The following GPCPD1 variants were observed in gnomAD, a reference collection of about 807,000 sequenced individuals.
GPCPD1 encodes the protein glycerophosphocholine phosphodiesterase GPCPD1.
GPCPD1 carries 29 observed loss-of-function variants against 89.2 expected under a neutral mutation model. The ratio of observed to expected loss-of-function variants is 0.33; its 90% confidence interval spans 0.24 to 0.44. GPCPD1 has a LOEUF of 0.44. Ranked by LOEUF, GPCPD1 falls within the 20% of genes least tolerant of loss-of-function variation. GPCPD1 has a pLI of 1.00. For synonymous variants in GPCPD1, 258 were observed against 266.3 expected, an observed-to-expected ratio of 0.97 and a Z score of 0.30; for missense variants, 594 against 808.9, an observed-to-expected ratio of 0.73 and a Z score of 3.22.
intron 6 of GPCPD1, among the ~76,000 whole-genome samples, chr20:5,583,930 G>A (rs1031318659): frequency 6.6e-6 from 1 of 152,176 alleles, no homozygotes; most frequent in African/African-American, 2.4e-5. Context: ...ACATTTTAAA[G>A]TGCAACAATT....
At chr20:5,575,295 C>T (rs1751891097) in intron 10 of GPCPD1, 118 bp downstream of exon 10, 4 of 747,396 alleles carry the variant, frequency 5.4e-6, no homozygotes, top group Admixed American at 2.8e-5. Context: ...TACCAAATTA[C>T]ACTAAATTCC....
intron 19 of GPCPD1, among the ~76,000 whole-genome samples, chr20:5,554,129 C>T (rs1477148793): frequency 3.0e-5 from 4 of 134,304 alleles, no homozygotes; most frequent in African/African-American, 9.0e-5. Flanking sequence ...CCACCACGCC[C>T]GGCTAATTAT....
chr20:5,567,748 C>T (rs1287334044), intron 12 of GPCPD1, 188 bp from the exon 13 acceptor site: 4 of 470,476 alleles, frequency 8.5e-6, no homozygotes, highest in Non-Finnish European at 1.4e-5. Context: ...CTAACACCAC[C>T]TCCCAGCCCT....
rs182692908 is a variant in GPCPD1 at position 5,557,935 on chromosome 20, A to G, written c.1829+10T>C. 1.4e-6 allele frequency: 2 copies of G among 1,470,952 alleles called. No individual in the cohort carries two copies. The highest frequency in any genetic ancestry group is 2.3e-5 in the East Asian group (1 of 43,412). 91.1% of individuals were successfully genotyped at this position (1,470,952 alleles called of 1,614,324 possible). On this transcript the variant is annotated intron_variant, in intron 19 of 19. Transcript: ENST00000379019. ...AAATTCCATGAAAATTTTTCATGAA[A>G]AACAAATACCTATCATAAATTAGAC...
chr20:5,558,601 G>A lies in GPCPD1; in HGVS notation c.1668+83C>T, dbSNP rs1985909312. The A allele has an allele frequency of 6.3e-6, 5 of 791,280 alleles. No individual in the cohort carries two copies. In the South Asian group the frequency reaches 7.0e-5, roughly 11 times the overall value. The allele number at this position is 791,280 out of a possible 1,614,324, so 49.0% of individuals were successfully genotyped here. A position where few individuals can be genotyped will look rare whatever the true frequency, so the allele number is the denominator to read the frequency against. Reference sequence around the variant, plus strand: ...TTTAGTCAAAACGTTAACATTAGATGGGTAAAGTAATATGAAATCTTTACT... The same window carrying A: ...TTTAGTCAAAACGTTAACATTAGATAGGTAAAGTAATATGAAATCTTTACT... On this transcript the variant is annotated intron_variant, in intron 18 of 19. Transcript: ENST00000379019.
chr20:5,590,460 T>C (rs975430560), intron 4 of GPCPD1, among the ~76,000 whole-genome samples: 2 of 145,694 alleles, frequency 1.4e-5, no homozygotes, highest in African/African-American at 5.2e-5. Context: ...GAAGAATCAC[T>C]TGAACCCAGG....
In GPCPD1 at chr20:5,580,122, T is replaced by G. The variant is rs1013605619; in HGVS notation, c.359A>C (p.Glu120Ala). Reference protein sequence around the residue: ...DGQFGIHNGVETLDSGWLTCQ... With the variant: ...DGQFGIHNGVATLDSGWLTCQ... ...TGTCAGCCATCCAGAATCCAGAGTT[T>G]CAACACCATCTGACAGAATAAATAT... The change falls in exon 7 of 20, where the codon GAA becomes GCA. Residue 120 changes from glutamate (E) to alanine (A), a missense_variant. By Grantham distance (107) the Glu-to-Ala change is moderately radical. Transcript: ENST00000379019. 1 of 1,476,628 alleles carries G rather than the reference T, an allele frequency of 6.8e-7. No homozygotes were observed. The highest frequency in any genetic ancestry group is 9.4e-7 in the Non-Finnish European group (1 of 1,060,110). The allele number at this position is 1,476,628 out of a possible 1,614,324, so 91.5% of individuals were successfully genotyped here. A position where few individuals can be genotyped will look rare whatever the true frequency, so the allele number is the denominator to read the frequency against.
intron 4 of GPCPD1, among the ~76,000 whole-genome samples, chr20:5,586,554 T>C (rs1416328678): frequency 2.0e-5 from 3 of 152,184 alleles, no homozygotes; most frequent in Admixed American, 2.0e-4. Flanking sequence ...ACTCAATTGT[T>C]TCAAAGAAAT....
chr20:5,561,042 G>A (rs1986049495), intron 16 of GPCPD1, among the ~76,000 whole-genome samples: 1 of 152,168 alleles, frequency 6.6e-6, no homozygotes. Context: ...AAATTTGTAA[G>A]TGATTTAAAA....
intron 2 of GPCPD1, among the ~76,000 whole-genome samples, chr20:5,602,516 A>T (rs1350600379): frequency 2.6e-5 from 4 of 152,254 alleles, no homozygotes; most frequent in African/African-American, 7.2e-5. Context: ...TTGGCTAAGA[A>T]TTTGAACTTA....
chr20:5,548,001 T>A, intron 19 of GPCPD1, 151 bp from the exon 20 acceptor site: 1 of 475,722 alleles, frequency 2.1e-6, no homozygotes, highest in Non-Finnish European at 3.7e-6. Flanking sequence ...GATGAAAGTA[T>A]CCATTCTCTT....
chr20:5,576,368 T>C (rs1600751048), intron 8 of GPCPD1, among the ~76,000 whole-genome samples: 2 of 142,484 alleles, frequency 1.4e-5, no homozygotes, highest in South Asian at 4.4e-4. Flanking sequence ...TGTGGTAAGC[T>C]GAGATCGTAC....
chr20:5,597,877 T>G (rs1031904465), intron 3 of GPCPD1, among the ~76,000 whole-genome samples: 1 of 152,196 alleles, frequency 6.6e-6, no homozygotes, highest in African/African-American at 2.4e-5. Context: ...TGAATACATT[T>G]CTTCATATTA....
At chr20:5,595,224 C>T (rs1461985860) in intron 3 of GPCPD1, among the ~76,000 whole-genome samples, 1 of 152,056 alleles carries the variant, frequency 6.6e-6, no homozygotes, top group African/African-American at 2.4e-5. Context: ...TTAAACAAAC[C>T]AACATGGAAC....
intron 17 of GPCPD1, among the ~76,000 whole-genome samples, chr20:5,559,106 G>A (rs118110147): frequency 3.3e-5 from 5 of 152,042 alleles, no homozygotes; most frequent in Non-Finnish European, 7.4e-5. Context: ...GGAGGCTGGG[G>A]CACCAGATCA....
chr20:5,568,995 A>G (rs986848791), intron 12 of GPCPD1, among the ~76,000 whole-genome samples: 1 of 152,108 alleles, frequency 6.6e-6, no homozygotes, highest in Non-Finnish European at 1.5e-5. Context: ...TTTCTCATTT[A>G]TCTTTTCATT....
rs758570798 is a variant in GPCPD1, at chr20:5,578,615, C to A, written c.474-4G>T. 3 of 1,566,138 alleles carry A rather than the reference C, an allele frequency of 1.9e-6. No homozygotes were observed. Among genetic ancestry groups the A allele is most frequent in the East Asian group, 2.2e-5 (1 of 44,630 alleles). ...GCCTTCTAGTGTCAGCTTCACCCTA[C>A]GTAATAAACAAAATAATGAGATGCA... On this transcript the variant is annotated splice_polypyrimidine_tract_variant and splice_region_variant and intron_variant, in intron 7 of 19. Coordinates refer to ENST00000379019, the MANE Select transcript of GPCPD1 (RefSeq NM_019593.5).
chr20:5,558,950 C>A, intron 17 of GPCPD1, 131 bp from the exon 18 acceptor site: 2 of 648,588 alleles, frequency 3.1e-6, no homozygotes, highest in South Asian at 2.2e-5. Flanking sequence ...CACCTGTAAT[C>A]CCAACACTTT....
chr20:5,579,331 G>A (rs1195023410), intron 7 of GPCPD1, among the ~76,000 whole-genome samples: 1 of 152,034 alleles, frequency 6.6e-6, no homozygotes, highest in Non-Finnish European at 1.5e-5. Flanking sequence ...GCATTCTTAT[G>A]TAGCAGACAA....
Sources: allele counts gnomAD v4.1 joint callset (sites outside exome capture counted in the v4.1 genomes callset), GRCh38; gene constraint gnomAD v4.1.1; transcripts MANE v1.5; gene names NCBI Gene and HGNC (gene_info 2026-07-23, HGNC 2026-07-21).